A1CF: variants seen among roughly 807,000 people sequenced by gnomAD.
The protein encoded by A1CF is APOBEC-1 stimulating protein.
In A1CF, 48 loss-of-function variants were observed where a neutral mutation model predicts 68.9. That is an observed-to-expected ratio of 0.70 (90% CI 0.55 to 0.89). The LOEUF is 0.89. Ranked by LOEUF, A1CF falls within the 40% of genes least tolerant of loss-of-function variation. The pLI, the probability that A1CF is intolerant of heterozygous loss-of-function variation, is 0.00. For synonymous variants in A1CF, 272 were observed against 260.4 expected, an observed-to-expected ratio of 1.04 and a Z score of -0.43; for missense variants, 653 against 718.9, an observed-to-expected ratio of 0.91 and a Z score of 1.05.
intron 5 of A1CF, among the ~76,000 whole-genome samples, chr10:50,840,307 C>T (rs991903021): frequency 3.4e-5 from 5 of 149,022 alleles, no homozygotes; most frequent in African/African-American, 1.2e-4. Context: ...GTCGGCTTAT[C>T]ACTGTGTTCC....
At chr10:50,827,168 C>A (rs560138676) in intron 7 of A1CF, among the ~76,000 whole-genome samples, 87 of 152,162 alleles carry the variant, frequency 5.7e-4, no homozygotes, top group African/African-American at 2.1e-3. Context: ...ACTTAGACTC[C>A]CACACAATAA....
chr10:50,845,879 A>G (rs1253634371), intron 3 of A1CF, among the ~76,000 whole-genome samples: 1 of 151,392 alleles, frequency 6.6e-6, no homozygotes, highest in Admixed American at 6.6e-5. Context: ...ACTTGAACCC[A>G]GGAAGTAGAG....
chr10:50,883,890 G>A (rs947201616), intron 1 of A1CF, among the ~76,000 whole-genome samples: 9 of 152,180 alleles, frequency 5.9e-5, no homozygotes, highest in African/African-American at 2.2e-4. Flanking sequence ...TAGGTAATTT[G>A]TCTGTGCCTC....
chr10:50,807,250 G>A (rs1302945878), intron 12 of A1CF, among the ~76,000 whole-genome samples: 1 of 152,120 alleles, frequency 6.6e-6, no homozygotes, highest in African/African-American at 2.4e-5. Flanking sequence ...ATGAGAAAAG[G>A]TGACTGAGGG....
chr10:50,806,150 A>G lies in A1CF; in HGVS notation c.*579T>C, dbSNP rs1837804907. 1 of 152,286 alleles carries G rather than the reference A, an allele frequency of 6.6e-6. No homozygotes were observed. The highest frequency in any genetic ancestry group is 6.5e-5 in the Admixed American group (1 of 15,278). The allele number at this position is 152,286 out of a possible 1,614,324, so 9.4% of individuals were successfully genotyped here. On this transcript the variant is annotated 3_prime_UTR_variant, in exon 13 of 13. Coordinates refer to ENST00000373997, the MANE Select transcript of A1CF (RefSeq NM_014576.4). ...TCCTGATCTGTGACAAATCGACTGG[A>G]TGGAATTTTCAGGCTGAAGAGAGGT...
rs148791203 is a variant in A1CF at position 50,881,783 on chromosome 10, G to A, written c.-94+3798C>T. ...TCTCTTTAGTCATATTACATCTGGA[G>A]CAGAGCATTGCACTTAACTGTGCAA... On this transcript the variant is annotated intron_variant, in intron 1 of 12. Coordinates refer to ENST00000373997, the MANE Select transcript of A1CF (RefSeq NM_014576.4). Among the ~76,000 whole-genome samples the A allele has an allele frequency of 4.8e-3, 731 of 152,246 alleles. 4 individuals are homozygous for A. The highest frequency in any genetic ancestry group is 0.016 in the African/African-American group (679 of 41,536).
chr10:50,839,851 C>T (rs549520131), intron 5 of A1CF, among the ~76,000 whole-genome samples: 2 of 152,196 alleles, frequency 1.3e-5, no homozygotes, highest in African/African-American at 4.8e-5. Flanking sequence ...CAGGTTCAAG[C>T]AATTCTCCTG....
rs751898321 is a variant in A1CF, at chr10:50,806,873, A to G, written c.1617T>C (p.Ala539=). 5 of 1,606,180 alleles carry G rather than the reference A, an allele frequency of 3.1e-6. No homozygotes were observed. Among genetic ancestry groups the G allele is most frequent in the South Asian group, 1.1e-5 (1 of 89,102 alleles). ...AAAATAFPGY[A]VPNATAPVSA... The stretch of plus-strand genomic sequence containing the variant: ...ACACGGGTGCAGTTGCATTAGGGAC[A>G]GCATATCCTGGAGGAAGAGGCAGAG... Residue 539 remains alanine (A), a synonymous_variant, in exon 13 of 13, where the codon GCT becomes GCC. Coordinates refer to ENST00000373997, the MANE Select transcript of A1CF (RefSeq NM_014576.4).
chr10:50,865,197 T>C (rs7902249), intron 1 of A1CF, among the ~76,000 whole-genome samples: 1 of 152,060 alleles, frequency 6.6e-6, no homozygotes, highest in Non-Finnish European at 1.5e-5. Context: ...AGGTTGAGCT[T>C]ACAGTGAGCT....
Position 50,822,629 on chromosome 10 carries a change from A to G in A1CF, c.770-1980T>C, listed in dbSNP as rs184259403. The G allele has an allele frequency of 3.9e-5, 6 of 152,326 alleles. 1 individual carries two copies. The South Asian group carries it at 1.0e-3, about 26-fold the overall frequency. 9.4% of individuals were successfully genotyped at this position (152,326 alleles called of 1,614,324 possible). On this transcript the variant is annotated intron_variant, in intron 7 of 12. Transcript: ENST00000373997. ...AGTCGACCCTTGACTTCTTATGGCAATGGTTATACAGAGCAAAATTATCTG... is the reference window on the plus strand; with the variant it reads ...AGTCGACCCTTGACTTCTTATGGCAGTGGTTATACAGAGCAAAATTATCTG...
At chr10:50,812,602 A>T (rs1036347554) in intron 10 of A1CF, among the ~76,000 whole-genome samples, 2 of 152,176 alleles carry the variant, frequency 1.3e-5, no homozygotes, top group African/African-American at 4.8e-5. Flanking sequence ...CCAGTACTTT[A>T]ATCAGGTTTT....
intron 7 of A1CF, chr10:50,823,479 G>C (rs1331227647): frequency 6.6e-6 from 1 of 152,138 alleles, no homozygotes; most frequent in Non-Finnish European, 1.5e-5. Context: ...ACATAAACCT[G>C]AGGAGAAACA....
At chr10:50,882,527 T>C (rs1475851253) in intron 1 of A1CF, among the ~76,000 whole-genome samples, 1 of 152,072 alleles carries the variant, frequency 6.6e-6, no homozygotes, top group Non-Finnish European at 1.5e-5. Context: ...CCTGGTTGAA[T>C]CAGCAGCAAA....
chr10:50,808,856 T>G (rs4256922), intron 12 of A1CF, among the ~76,000 whole-genome samples: 6 of 151,902 alleles, frequency 3.9e-5, no homozygotes, highest in Non-Finnish European at 8.8e-5. Context: ...TATAAAATTT[T>G]TCACACCTAC....
At chr10:50,843,429 CT>C (rs1839865733) in intron 4 of A1CF, among the ~76,000 whole-genome samples, 1 of 152,124 alleles carries the variant, frequency 6.6e-6, no homozygotes, top group Non-Finnish European at 1.5e-5. Context: ...GTGCTTGTTG[CT>C]AAAAACTACT....
Position 50,879,747 on chromosome 10 carries a change from C to G in A1CF, c.-94+5834G>C, listed in dbSNP as rs188223875. ...TTCTCACCAGATTCTTTCCTTCAGG[C>G]CTAAGGATTACAATTCAAGATGAGA... On this transcript the variant is annotated intron_variant, in intron 1 of 12. Transcript: ENST00000373997. 3.4e-3 allele frequency among the ~76,000 whole-genome samples: 519 copies of G among 152,238 alleles called. 2 individuals carry two copies. Among genetic ancestry groups the G allele is most frequent in the Non-Finnish European group, 6.6e-3 (452 of 68,016 alleles).
At chr10:50,861,015 A>G (rs1840720178) in intron 2 of A1CF, among the ~76,000 whole-genome samples, 1 of 152,144 alleles carries the variant, frequency 6.6e-6, no homozygotes, top group South Asian at 2.1e-4. Flanking sequence ...ATGCAACTAG[A>G]ATGTATTTGA....
chr10:50,884,324 G>A (rs4304713), intron 1 of A1CF, among the ~76,000 whole-genome samples: 146,273 of 152,286 alleles, frequency 0.96, 70,511 homozygotes, highest in East Asian at 1. Flanking sequence ...TTTTTCCCTT[G>A]AAATCGATAA....
intron 3 of A1CF, among the ~76,000 whole-genome samples, chr10:50,844,819 G>A (rs1839927315): frequency 6.6e-6 from 1 of 152,118 alleles, no homozygotes; most frequent in African/African-American, 2.4e-5. Context: ...ATTTTTCTAT[G>A]TATATTTTTA....
Sources: allele counts gnomAD v4.1 joint callset (sites outside exome capture counted in the v4.1 genomes callset), GRCh38; gene constraint gnomAD v4.1.1; transcripts MANE v1.5; gene names NCBI Gene and HGNC (gene_info 2026-07-23, HGNC 2026-07-21).